MAPRE2: variants seen among roughly 807,000 people sequenced by gnomAD.
MAPRE2 encodes the protein microtubule-associated protein RP/EB family member 2.
In MAPRE2, 13 loss-of-function variants were observed where a neutral mutation model predicts 43.2. That is an observed-to-expected ratio of 0.30 (90% CI 0.20 to 0.48). The LOEUF (loss-of-function observed/expected upper bound fraction) is 0.48. Ranked by LOEUF, MAPRE2 falls within the 20% of genes least tolerant of loss-of-function variation. The pLI is 0.99. For missense variants in MAPRE2, 161 were observed against 400.2 expected, an observed-to-expected ratio of 0.40 and a Z score of 5.10; for synonymous variants, 135 against 148.8, an observed-to-expected ratio of 0.91 and a Z score of 0.68.
At chr18:35,067,478 T>A (rs778045211) in intron 1 of MAPRE2, among the ~76,000 whole-genome samples, 26 of 152,236 alleles carry the variant, frequency 1.7e-4, no homozygotes, top group Non-Finnish European at 3.1e-4. Context: ...TAATTTCTCT[T>A]ATGTAACCAC....
intron 1 of MAPRE2, among the ~76,000 whole-genome samples, chr18:34,979,402 C>G (rs1421014071): frequency 6.6e-6 from 1 of 152,160 alleles, no homozygotes; most frequent in Admixed American, 6.5e-5. Flanking sequence ...TTTGTTGACA[C>G]GCACAAACTG....
At chr18:35,107,093 C>T (rs902649218) in intron 4 of MAPRE2, among the ~76,000 whole-genome samples, 3 of 152,122 alleles carry the variant, frequency 2.0e-5, no homozygotes, top group Admixed American at 6.6e-5. Context: ...ATCAAACGCC[C>T]ATATATAAAT....
At chr18:34,979,353 C>T (rs2097014887) in intron 1 of MAPRE2, among the ~76,000 whole-genome samples, 1 of 152,160 alleles carries the variant, frequency 6.6e-6, no homozygotes, top group Non-Finnish European at 1.5e-5. Context: ...GCAGGCTGCA[C>T]AGCGATCCCA....
rs1008809640 is a variant in MAPRE2, at chr18:35,143,297, T to C, written c.*2928T>C. On this transcript the variant is annotated 3_prime_UTR_variant, in exon 7 of 7. Coordinates refer to ENST00000300249, the MANE Select transcript of MAPRE2 (RefSeq NM_014268.4). ...ACATATGTATTGTTAATTATAAATA[T>C]AGATAAGTAATGACATAATAGATGA... 3 of 152,146 alleles carry C rather than the reference T, an allele frequency of 2.0e-5. No individual in the cohort carries two copies. The highest frequency in any genetic ancestry group is 4.4e-5 in the Non-Finnish European group (3 of 68,022). 9.4% of individuals were successfully genotyped at this position (152,146 alleles called of 1,614,324 possible).
At chr18:35,050,598 C>A (rs1480504399) in intron 1 of MAPRE2, among the ~76,000 whole-genome samples, 1 of 152,108 alleles carries the variant, frequency 6.6e-6, no homozygotes, top group African/African-American at 2.4e-5. Context: ...TTTAAAATAT[C>A]CTCTTTGCAT....
chr18:35,103,564 T>C (rs904483387), intron 4 of MAPRE2, among the ~76,000 whole-genome samples: 10 of 152,190 alleles, frequency 6.6e-5, no homozygotes, highest in Non-Finnish European at 1.3e-4. Flanking sequence ...AAAGGAGTTA[T>C]AGGCTAAAGA....
At chr18:35,096,390 C>T (rs1908417008) in intron 2 of MAPRE2, among the ~76,000 whole-genome samples, 2 of 152,302 alleles carry the variant, frequency 1.3e-5, no homozygotes, top group Admixed American at 6.5e-5. Context: ...TGGCTTCCAG[C>T]TTATTTTCCT....
At chr18:35,057,261 C>T (rs1906278290) in intron 1 of MAPRE2, among the ~76,000 whole-genome samples, 1 of 152,022 alleles carries the variant, frequency 6.6e-6, no homozygotes, top group South Asian at 2.1e-4. Flanking sequence ...GTGATCAACC[C>T]GCCTCAGCCT....
intron 1 of MAPRE2, among the ~76,000 whole-genome samples, chr18:34,981,481 G>A (rs1335335053): frequency 6.6e-6 from 1 of 152,158 alleles, no homozygotes; most frequent in Non-Finnish European, 1.5e-5. Flanking sequence ...GTAGCTAAAA[G>A]GGGTAGAGTA....
rs1464486913 is a variant in MAPRE2 at position 35,140,772 on chromosome 18, C to T, written c.*403C>T. On this transcript the variant is annotated 3_prime_UTR_variant, in exon 7 of 7. Coordinates refer to ENST00000300249, the MANE Select transcript of MAPRE2 (RefSeq NM_014268.4). ...ATATTGGCATTTTTCAACCCAGTGT[C>T]ACTAGATGTCACACACATTTGTGGT... 5.8e-6 allele frequency: 1 copy of T among 171,370 alleles called. No individual in the cohort carries two copies. The highest frequency in any genetic ancestry group is 1.2e-5 in the Non-Finnish European group (1 of 80,068). The allele number at this position is 171,370 out of a possible 1,614,324, so 10.6% of individuals were successfully genotyped here. A position where few individuals can be genotyped will look rare whatever the true frequency, so the allele number is the denominator to read the frequency against.
intron 2 of MAPRE2, among the ~76,000 whole-genome samples, chr18:35,033,530 G>C (rs1352923030): frequency 6.6e-6 from 1 of 151,548 alleles, no homozygotes; most frequent in Non-Finnish European, 1.5e-5. Context: ...GGCAGGAGAA[G>C]GAAATAAAGG....
intron 1 of MAPRE2, among the ~76,000 whole-genome samples, chr18:35,066,713 C>A (rs1320764351): frequency 6.6e-6 from 1 of 152,196 alleles, no homozygotes; most frequent in Non-Finnish European, 1.5e-5. Flanking sequence ...ACTTCACTTG[C>A]GGGAGGTTCA....
chr18:35,080,428 C>A (rs928649825), intron 2 of MAPRE2, among the ~76,000 whole-genome samples: 1 of 152,124 alleles, frequency 6.6e-6, no homozygotes, highest in Non-Finnish European at 1.5e-5. Context: ...TCTCAGCTTA[C>A]CTGAGTATGA....
At chr18:34,984,546 C>G (rs1235694120) in intron 1 of MAPRE2, 3 of 151,442 alleles carry the variant, frequency 2.0e-5, no homozygotes, top group African/African-American at 7.3e-5. Flanking sequence ...TTAATCCCAT[C>G]CTAACACCAG....
intron 2 of MAPRE2, among the ~76,000 whole-genome samples, chr18:35,080,089 G>T (rs981373843): frequency 1.3e-5 from 2 of 152,196 alleles, no homozygotes; most frequent in African/African-American, 4.8e-5. Context: ...AAATTTAGTG[G>T]ATGGTCAATA....
chr18:35,088,782 G>A (rs186542607), intron 2 of MAPRE2, among the ~76,000 whole-genome samples: 14 of 152,106 alleles, frequency 9.2e-5, no homozygotes, highest in African/African-American at 3.4e-4. Flanking sequence ...GGTCAATAAG[G>A]CCAAATACTA....
chr18:34,985,278 A>T (rs370487815), intron 1 of MAPRE2, among the ~76,000 whole-genome samples: 242 of 19,354 alleles, frequency 0.013, no homozygotes, highest in Middle Eastern at 0.056. Context: ...ATATAATATA[A>T]TATATTATAT....
intron 4 of MAPRE2, 83 bp from the exon 5 acceptor site, chr18:35,126,865 C>G (rs768111664): frequency 1.4e-5 from 17 of 1,234,680 alleles, no homozygotes; most frequent in Non-Finnish European, 1.9e-5. Context: ...GTTGTAAGCT[C>G]TTTTCATATC....
At chr18:35,127,376 G>A in intron 5 of MAPRE2, 1 of 332,462 alleles carries the variant, frequency 3.0e-6, no homozygotes, top group Non-Finnish European at 5.6e-6. Context: ...GCCGTCAAGA[G>A]CTCCAGGCTA....
Sources: gnomAD v4.1 joint callset for allele counts (sites outside exome capture counted in the v4.1 genomes callset) on GRCh38, gnomAD v4.1.1 for gene constraint, MANE v1.5 for transcripts, NCBI Gene and HGNC (gene_info 2026-07-23, HGNC 2026-07-21) for gene names.